EHF: variants seen among roughly 807,000 people sequenced by gnomAD.
EHF encodes ETS homologous factor.
A neutral mutation model predicts 45.1 loss-of-function variants in EHF; 14 were observed. That is an observed-to-expected ratio of 0.31 (90% confidence interval 0.21 to 0.49). EHF has a LOEUF of 0.49. Among genes scored for constraint, EHF ranks in the 20% least tolerant of loss-of-function variants. EHF has a pLI of 0.99. For synonymous variants in EHF, 136 were observed against 131.8 expected, an observed-to-expected ratio of 1.03 and a Z score of -0.22; for missense variants, 282 against 371.4, an observed-to-expected ratio of 0.76 and a Z score of 1.98.
At chr11:34,633,012 G>A (rs1853043602) in intron 1 of EHF, among the ~76,000 whole-genome samples, 1 of 152,160 alleles carries the variant, frequency 6.6e-6, no homozygotes, top group Admixed American at 6.5e-5. Context: ...TAAGTCCAGG[G>A]TAATTAAGTA....
At chr11:34,634,518 A>G (rs1238346270) in intron 1 of EHF, among the ~76,000 whole-genome samples, 1 of 152,168 alleles carries the variant, frequency 6.6e-6, no homozygotes, top group Non-Finnish European at 1.5e-5. Flanking sequence ...GGCTGGGGAC[A>G]GGGAATGCAG....
intron 3 of EHF, among the ~76,000 whole-genome samples, chr11:34,647,719 C>T (rs1854710075): frequency 6.6e-6 from 1 of 152,198 alleles, no homozygotes; most frequent in Non-Finnish European, 1.5e-5. Flanking sequence ...TGAAGAGGAC[C>T]TGGGGCCTTG....
At chr11:34,650,096 G>T (rs2134170976) in intron 4 of EHF, among the ~76,000 whole-genome samples, 2 of 152,366 alleles carry the variant, frequency 1.3e-5, no homozygotes, top group Middle Eastern at 6.8e-3. Context: ...AGAGATGGAT[G>T]CAGGACTTGG....
Position 34,659,738 on chromosome 11 carries a change from A to C in EHF, c.*807A>C. On this transcript the variant is annotated 3_prime_UTR_variant, in exon 9 of 9. Transcript: ENST00000257831. ...AAGTGCTTAAAAATAAGTTGGAAAA[A>C]GGAGACGGTGGTGTGGAAATGGCTG... 1 of 152,164 alleles carries C rather than the reference A, an allele frequency of 6.6e-6. No homozygotes were observed. The highest frequency in any genetic ancestry group is 1.9e-4 in the East Asian group (1 of 5,200). The allele number at this position is 152,164 out of a possible 1,614,324, so 9.4% of individuals were successfully genotyped here. A position where few individuals can be genotyped will look rare whatever the true frequency, so the allele number is the denominator to read the frequency against.
At chr11:34,651,037 T>C (rs1855107630) in intron 4 of EHF, among the ~76,000 whole-genome samples, 1 of 152,140 alleles carries the variant, frequency 6.6e-6, no homozygotes, top group Non-Finnish European at 1.5e-5. Context: ...GACAAATCTC[T>C]GGATTTCAGC....
chr11:34,644,770 T>G (rs1441368147), intron 2 of EHF, among the ~76,000 whole-genome samples: 2 of 152,250 alleles, frequency 1.3e-5, no homozygotes, highest in Admixed American at 6.5e-5. Flanking sequence ...CTTTAGCTAC[T>G]TGTAATTCGA....
At chr11:34,634,187 T>C (rs970354800) in intron 1 of EHF, among the ~76,000 whole-genome samples, 3 of 136,344 alleles carry the variant, frequency 2.2e-5, no homozygotes, top group Non-Finnish European at 4.9e-5. Flanking sequence ...CACATGTACA[T>C]GGATTTTTTT....
At chr11:34,649,882 C>A (rs566812210) in intron 4 of EHF, among the ~76,000 whole-genome samples, 61 of 152,218 alleles carry the variant, frequency 4.0e-4, no homozygotes, top group Non-Finnish European at 7.6e-4. Context: ...ATTTGACCTG[C>A]AGGTGATTTG....
intron 1 of EHF, among the ~76,000 whole-genome samples, chr11:34,639,559 C>T (rs2134080023): frequency 6.6e-6 from 1 of 152,358 alleles, no homozygotes; most frequent in South Asian, 2.1e-4. Flanking sequence ...CGGCCAAAGC[C>T]CTTCTGCTAC....
intron 1 of EHF, among the ~76,000 whole-genome samples, chr11:34,625,143 A>T (rs1287712860): frequency 6.6e-6 from 1 of 152,092 alleles, no homozygotes; most frequent in East Asian, 1.9e-4. Context: ...CCTTAAATGG[A>T]TTCTTTAGGG....
At chr11:34,645,149 C>G (rs964516373) in intron 2 of EHF, among the ~76,000 whole-genome samples, 1 of 152,142 alleles carries the variant, frequency 6.6e-6, no homozygotes. Flanking sequence ...GCTCTCTCAG[C>G]CCTGTTACAT....
At chr11:34,624,024 C>G (rs1470840682) in intron 1 of EHF, among the ~76,000 whole-genome samples, 3 of 152,172 alleles carry the variant, frequency 2.0e-5, no homozygotes, top group Non-Finnish European at 4.4e-5. Flanking sequence ...GGGTGGTGAG[C>G]AAGAATCCCG....
intron 1 of EHF, among the ~76,000 whole-genome samples, chr11:34,631,367 G>A (rs1334288104): frequency 1.3e-5 from 2 of 152,188 alleles, no homozygotes; most frequent in African/African-American, 4.8e-5. Flanking sequence ...CTGACTGTGT[G>A]TGCTGAAGGC....
At chr11:34,625,951 A>G (rs182901229) in intron 1 of EHF, among the ~76,000 whole-genome samples, 1 of 152,264 alleles carries the variant, frequency 6.6e-6, no homozygotes, top group Admixed American at 6.5e-5. Context: ...GTATAGGTGC[A>G]TACAAAATGT....
chr11:34,648,035 T>A (rs1165259613), intron 3 of EHF, among the ~76,000 whole-genome samples: 1 of 152,202 alleles, frequency 6.6e-6, no homozygotes, highest in Non-Finnish European at 1.5e-5. Flanking sequence ...GTCTCTGACT[T>A]CCCATGACTT....
chr11:34,621,870 G>A (rs942349319), intron 1 of EHF, among the ~76,000 whole-genome samples: 1 of 152,200 alleles, frequency 6.6e-6, no homozygotes, highest in African/African-American at 2.4e-5. Flanking sequence ...TTGGCAAAGG[G>A]CTTCACTGTA....
chr11:34,646,234 C>G (rs1342275341), intron 2 of EHF, among the ~76,000 whole-genome samples: 2 of 152,082 alleles, frequency 1.3e-5, no homozygotes, highest in Non-Finnish European at 2.9e-5. Flanking sequence ...CACTTCAGCT[C>G]TCTTGTCCTC....
At chr11:34,635,976 G>A (rs959612596) in intron 1 of EHF, among the ~76,000 whole-genome samples, 1 of 152,112 alleles carries the variant, frequency 6.6e-6, no homozygotes, top group Non-Finnish European at 1.5e-5. Flanking sequence ...AGCAGCTCTC[G>A]GAATAGGGAG....
At chr11:34,625,808 C>G (rs1852329378) in intron 1 of EHF, among the ~76,000 whole-genome samples, 1 of 152,188 alleles carries the variant, frequency 6.6e-6, no homozygotes, top group Non-Finnish European at 1.5e-5. Flanking sequence ...TCTGCATTAT[C>G]TCTCCTCCTC....
Sources: gnomAD v4.1 joint callset for allele counts (sites outside exome capture counted in the v4.1 genomes callset) on GRCh38, gnomAD v4.1.1 for gene constraint, MANE v1.5 for transcripts, NCBI Gene and HGNC (gene_info 2026-07-23, HGNC 2026-07-21) for gene names.